BBS12: variants seen among roughly 807,000 people sequenced by gnomAD.
The protein encoded by BBS12 is Bardet-Biedl syndrome 12.
A neutral mutation model predicts 5.6 loss-of-function variants in BBS12; 5 were observed. The observed-to-expected ratio is 0.89, with a 90% CI of 0.46 to 1.86. The LOEUF is 1.86. BBS12 is among the 40% of genes most tolerant of loss of function. The pLI is 0.01. For missense variants in BBS12, 748 were observed against 830.4 expected, an observed-to-expected ratio of 0.90 and a Z score of 1.22; for synonymous variants, 308 against 306.8, an observed-to-expected ratio of 1.00 and a Z score of -0.04.
At chr4:122,716,664 C>A in the BBS12 span, among the ~76,000 whole-genome samples, 3 of 59,940 alleles carry the variant, frequency 5.0e-5, no homozygotes, top group African/African-American at 2.6e-4. Context: ...TATGCACATA[C>A]ACATATGTGT....
At chr4:122,728,356 C>T (rs1800651553), upstream of BBS12, among the ~76,000 whole-genome samples, 1 of 151,972 alleles carries the variant, frequency 6.6e-6, no homozygotes, top group Non-Finnish European at 1.5e-5. Context: ...TATTGTTATG[C>T]AACTATTTCT....
chr4:122,721,409 C>T, the BBS12 span, among the ~76,000 whole-genome samples: 1 of 152,154 alleles, frequency 6.6e-6, no homozygotes, highest in South Asian at 2.1e-4. Flanking sequence ...GGAATTGTTA[C>T]AAGTAGGAAT....
the BBS12 span, among the ~76,000 whole-genome samples, chr4:122,722,631 C>T: frequency 6.6e-6 from 1 of 151,928 alleles, no homozygotes; most frequent in African/African-American, 2.4e-5. Flanking sequence ...AGATTTAGTC[C>T]TAAAATTTTT....
chr4:122,739,120 G>A (rs902460187), intron 1 of BBS12, among the ~76,000 whole-genome samples: 6 of 152,202 alleles, frequency 3.9e-5, no homozygotes, highest in Non-Finnish European at 8.8e-5. Context: ...GAGGAAGCAA[G>A]GAAGGATTCT....
chr4:122,727,147 A>G, the BBS12 span, among the ~76,000 whole-genome samples: 312 of 152,388 alleles, frequency 2.0e-3, 1 homozygote, highest in African/African-American at 6.9e-3. Context: ...ATGCAAATCA[A>G]AAGGCAAATA....
Position 122,742,123 on chromosome 4 carries a change from A to G in BBS12, c.231A>G (p.Gln77=), listed in dbSNP as rs1232888793. The part of the protein sequence containing the change: ...GQLLNEAVQA[Q]NNTYRTGIST... ...TTCTCAATGAAGCAGTTCAAGCACA[A>G]AACAACACATATAGAACTGGAATCA... is the stretch of plus-strand genomic sequence containing the variant. The change falls in exon 2 of 2, where the codon CAA becomes CAG. Residue 77 remains glutamine (Q), a synonymous_variant. Transcript: ENST00000314218. 5 of 1,614,140 alleles carry G rather than the reference A, an allele frequency of 3.1e-6. No homozygotes were observed. In the South Asian group the frequency reaches 3.3e-5, roughly 11 times the overall value.
At chr4:122,706,661 G>A in the BBS12 span, among the ~76,000 whole-genome samples, 1 of 152,122 alleles carries the variant, frequency 6.6e-6, no homozygotes, top group Non-Finnish European at 1.5e-5. Context: ...GTGGAAGACT[G>A]GATACACCTT....
the BBS12 span, among the ~76,000 whole-genome samples, chr4:122,709,301 C>A: frequency 6.6e-6 from 1 of 152,030 alleles, no homozygotes; most frequent in Non-Finnish European, 1.5e-5. Flanking sequence ...CTTATAATGG[C>A]AGAGTTTACT....
At position 122,744,205 on chromosome 4, in the gene BBS12, G is replaced by A. The variant is rs1800951623; in HGVS notation, c.*180G>A. ...ACCCTACTTATAAGCTAACAAGTTA[G>A]CCTGTTACTGTTTCGTGGGATGCTA... On this transcript the variant is annotated 3_prime_UTR_variant, in exon 2 of 2. Coordinates refer to ENST00000314218, the MANE Select transcript of BBS12 (RefSeq NM_152618.3). The A allele has an allele frequency of 1.5e-6, 1 of 663,452 alleles. No individual in the cohort carries two copies. Among genetic ancestry groups the A allele is most frequent in the East Asian group, 2.9e-5 (1 of 34,776 alleles). 41.1% of individuals were successfully genotyped at this position (663,452 alleles called of 1,614,324 possible).
rs963350323 is a variant in BBS12 at position 122,742,909 on chromosome 4, A to G, written c.1017A>G (p.Ser339=). Reference sequence around the variant, plus strand: ...GTCCAGGATATATCACTGTTGTGTCAGTATCTAATAATCCTGTGATCAAGG... The same window carrying G: ...GTCCAGGATATATCACTGTTGTGTCGGTATCTAATAATCCTGTGATCAAGG... ...CVCPGYITVV[S]VSNNPVIKEL... Residue 339 remains serine (S), a synonymous_variant, in exon 2 of 2, where the codon TCA becomes TCG. Coordinates refer to ENST00000314218, the MANE Select transcript of BBS12 (RefSeq NM_152618.3). 1 of 1,614,110 alleles carries G rather than the reference A, an allele frequency of 6.2e-7. No individual in the cohort carries two copies. Among genetic ancestry groups the G allele is most frequent in the Non-Finnish European group, 8.5e-7 (1 of 1,180,048 alleles).
At chr4:122,723,824 C>T in the BBS12 span, among the ~76,000 whole-genome samples, 2 of 152,168 alleles carry the variant, frequency 1.3e-5, no homozygotes. Context: ...TAATAGCCCT[C>T]TCATTGGTGA....
rs1189475274 is a variant in BBS12, at chr4:122,741,886, A to T, written c.-7A>T. 1.2e-6 allele frequency: 2 copies of T among 1,613,502 alleles called. No homozygotes were observed. Among genetic ancestry groups the T allele is most frequent in the Admixed American group, 3.3e-5 (2 of 60,016 alleles). ...CAAGTTTTTATTTTGTTTGCAGATC[A>T]TGATACATGGTGATGGCTTGCAGAG... On this transcript the variant is annotated 5_prime_UTR_variant, in exon 2 of 2. It removes an upstream start codon present in the reference 5' UTR. Transcript: ENST00000314218.
At chr4:122,714,468 C>T in the BBS12 span, among the ~76,000 whole-genome samples, 688 of 147,938 alleles carry the variant, frequency 4.7e-3, 5 homozygotes, top group Non-Finnish European at 5.3e-3. Flanking sequence ...TTCATCATAC[C>T]ATTGTTCCTA....
the BBS12 span, among the ~76,000 whole-genome samples, chr4:122,718,290 T>C: frequency 6.6e-6 from 1 of 151,450 alleles, no homozygotes; most frequent in Non-Finnish European, 1.5e-5. Flanking sequence ...GTTTAAATGA[T>C]TGCGATCACC....
At chr4:122,707,486 C>T in the BBS12 span, among the ~76,000 whole-genome samples, 1 of 152,102 alleles carries the variant, frequency 6.6e-6, no homozygotes, top group Non-Finnish European at 1.5e-5. Flanking sequence ...CTTTTTAAGA[C>T]TTCACCTTCA....
chr4:122,701,210 T>C, the BBS12 span, among the ~76,000 whole-genome samples: 2 of 152,226 alleles, frequency 1.3e-5, no homozygotes, highest in Non-Finnish European at 2.9e-5. Context: ...TCCTAGTCAT[T>C]TCTGTAGAAA....
At chr4:122,740,646 A>C (rs189173663) in intron 1 of BBS12, among the ~76,000 whole-genome samples, 2 of 152,322 alleles carry the variant, frequency 1.3e-5, no homozygotes, top group East Asian at 1.9e-4. Flanking sequence ...AATACTCACT[A>C]AATGCATGAA....
chr4:122,733,086 C>T (rs1800725154), intron 1 of BBS12, among the ~76,000 whole-genome samples: 4 of 152,242 alleles, frequency 2.6e-5, no homozygotes, highest in Admixed American at 2.6e-4. Flanking sequence ...TGCCGCTAGA[C>T]TTTCCTCATT....
At chr4:122,715,037 A>G in the BBS12 span, among the ~76,000 whole-genome samples, 2 of 152,038 alleles carry the variant, frequency 1.3e-5, no homozygotes, top group African/African-American at 2.4e-5. Context: ...AAAAATAAAT[A>G]AAGACTTGAA....
Sources: gnomAD v4.1 joint callset for allele counts (sites outside exome capture counted in the v4.1 genomes callset) on GRCh38, gnomAD v4.1.1 for gene constraint, MANE v1.5 for transcripts, NCBI Gene and HGNC (gene_info 2026-07-23, HGNC 2026-07-21) for gene names.